Variants in TET1 observed in about 807,000 individuals in gnomAD.
TET1 encodes methylcytosine dioxygenase TET1.
In TET1, 13 loss-of-function variants were observed where a neutral mutation model predicts 148.7. The observed-to-expected ratio is 0.09, with a 90% CI of 0.06 to 0.14. The LOEUF is 0.14. Ranked by LOEUF, TET1 falls within the 10% of genes least tolerant of loss-of-function variation. The pLI, the probability that TET1 is intolerant of heterozygous loss-of-function variation, is 1.00. For missense variants in TET1, 2,182 were observed against 2,553.8 expected (o/e 0.85, Z 3.14); for synonymous variants, 907 against 937.2 (o/e 0.97, Z 0.59).
Position 68,691,951 on chromosome 10 carries a change from C to A in TET1, c.*137C>A, listed in dbSNP as rs573711022. ...TGAGGTAAAAAAATAATAATGATAA[C>A]AAAACGGGGTGGGTATTCTTAACTG... On this transcript the variant is annotated 3_prime_UTR_variant, in exon 12 of 12. Transcript: ENST00000373644. The surrounding 1 kb of genome is among the most constrained non-coding windows in gnomAD (Gnocchi z 4.4). The A allele has an allele frequency of 1.9e-6, 2 of 1,055,966 alleles. No homozygotes were observed. Among genetic ancestry groups the A allele is most frequent in the Non-Finnish European group, 2.7e-6 (2 of 744,210 alleles). 65.4% of individuals were successfully genotyped at this position (1,055,966 alleles called of 1,614,324 possible).
intron 11 of TET1, among the ~76,000 whole-genome samples, chr10:68,689,323 T>C (rs2055559358): frequency 1.3e-5 from 2 of 152,232 alleles, no homozygotes; most frequent in Non-Finnish European, 2.9e-5. Context: ...ATTTATTATA[T>C]TTTTAATTAC....
intron 1 of TET1, among the ~76,000 whole-genome samples, chr10:68,561,333 G>T (rs1034333508): frequency 1.3e-5 from 2 of 152,188 alleles, no homozygotes; most frequent in Non-Finnish European, 2.9e-5. Flanking sequence ...TGGGACGGCA[G>T]CTCCAGGGAT....
Position 68,593,915 on chromosome 10 carries a change from A to ATTTTTTTTTTTT in TET1, c.1915-7049_1915-7038dup, listed in dbSNP as rs3998851. On this transcript the variant is annotated intron_variant, in intron 2 of 11. Coordinates refer to ENST00000373644, the MANE Select transcript of TET1 (RefSeq NM_030625.3). ...AGGCGTGAGCCACTGCGCCTGAGCTATTTTTTTTTTTTTTTTTTTTTTTTT... is the reference window on the plus strand; with the variant it reads ...AGGCGTGAGCCACTGCGCCTGAGCTATTTTTTTTTTTTTTTTTTTTTTTTTTTTTTTTTTTTT... Among the ~76,000 whole-genome samples the ATTTTTTTTTTTT allele has an allele frequency of 2.0e-4, 9 of 44,750 alleles. 3 individuals are homozygous for ATTTTTTTTTTTT. Among genetic ancestry groups the ATTTTTTTTTTTT allele is most frequent in the Non-Finnish European group, 3.6e-4 (9 of 25,316 alleles). The allele number at this position is 44,750 out of a possible 152,430, so 29.4% of individuals were successfully genotyped here.
chr10:68,589,531 T>G (rs749759761), intron 2 of TET1, among the ~76,000 whole-genome samples: 1 of 151,960 alleles, frequency 6.6e-6, no homozygotes, highest in South Asian at 2.1e-4. Context: ...CTTGAACTCC[T>G]GGGCTCAAGT....
At chr10:68,621,700 T>G (rs1234024958) in intron 3 of TET1, among the ~76,000 whole-genome samples, 1 of 152,252 alleles carries the variant, frequency 6.6e-6, no homozygotes, top group Non-Finnish European at 1.5e-5. Context: ...ATTTTCAATT[T>G]TTTTCTGTAG....
chr10:68,593,915 ATTTTTTT>A (rs3998851), intron 2 of TET1, among the ~76,000 whole-genome samples: 1,048 of 44,676 alleles, frequency 0.023, 16 homozygotes, highest in African/African-American at 0.082. Context: ...CGCCTGAGCT[ATTTTTTT>A]TTTTTTTTTT....
chr10:68,663,829 C>T (rs1187342587), intron 6 of TET1, among the ~76,000 whole-genome samples: 1 of 152,144 alleles, frequency 6.6e-6, no homozygotes, highest in Non-Finnish European at 1.5e-5. Flanking sequence ...TTCCTATATG[C>T]ATGTGACATG....
chr10:68,658,317 T>G (rs2055055855), intron 6 of TET1, among the ~76,000 whole-genome samples: 1 of 152,094 alleles, frequency 6.6e-6, no homozygotes, highest in African/African-American at 2.4e-5. Flanking sequence ...ATTCAAGTGA[T>G]TTTCCTGCCT....
chr10:68,608,634 A>C (rs962080477), intron 3 of TET1, among the ~76,000 whole-genome samples: 3 of 152,208 alleles, frequency 2.0e-5, no homozygotes, highest in South Asian at 2.1e-4. Flanking sequence ...TCCGGGGTTC[A>C]AGTGATTCTC....
chr10:68,599,792 C>T (rs1837534112), intron 2 of TET1, among the ~76,000 whole-genome samples: 1 of 152,112 alleles, frequency 6.6e-6, no homozygotes, highest in Non-Finnish European at 1.5e-5. Flanking sequence ...AGATATGAGT[C>T]CGAATTTTCC....
chr10:68,664,461 T>G (rs1348473701), intron 6 of TET1, among the ~76,000 whole-genome samples: 1 of 151,288 alleles, frequency 6.6e-6, no homozygotes, highest in Non-Finnish European at 1.5e-5. Context: ...CATGCTGGAG[T>G]GCAGTGGCGA....
chr10:68,626,880 T>A (rs1241131452), intron 3 of TET1, among the ~76,000 whole-genome samples: 1 of 152,166 alleles, frequency 6.6e-6, no homozygotes, highest in East Asian at 1.9e-4. Flanking sequence ...TTATTTATTT[T>A]GAGATATTCT....
chr10:68,595,949 TATATATATATATACACAC>T lies in TET1; in HGVS notation c.1915-5030_1915-5013del, dbSNP rs1363435052. Among the ~76,000 whole-genome samples the T allele has an allele frequency of 9.1e-3, 275 of 30,136 alleles. 8 individuals carry two copies. Among genetic ancestry groups the T allele is most frequent in the South Asian group, 0.021 (12 of 576 alleles). 19.8% of individuals were successfully genotyped at this position (30,136 alleles called of 152,430 possible). ...ATATATATATATATATATATATATA[TATATATATATATACACAC>T]ACACACACACATATATACACACACA... On this transcript the variant is annotated intron_variant, in intron 2 of 11. Coordinates refer to ENST00000373644, the MANE Select transcript of TET1 (RefSeq NM_030625.3).
chr10:68,691,728 G>A lies in TET1; in HGVS notation c.6325G>A (p.Ala2109Thr). 1 of 1,614,100 alleles carries A rather than the reference G, an allele frequency of 6.2e-7. No individual in the cohort carries two copies. Among genetic ancestry groups the A allele is most frequent in the Non-Finnish European group, 8.5e-7 (1 of 1,180,044 alleles). Residue 2109 changes from alanine to threonine, a missense_variant, in exon 12 of 12, where the codon GCA becomes ACA. By Grantham distance (58) the Ala-to-Thr change is moderately conservative (BLOSUM62 0). Transcript: ENST00000373644. The surrounding 1 kb of genome is among the most constrained non-coding windows in gnomAD (Gnocchi z 4.4). Reference protein sequence around the residue: ...NELNQIPSHKALTLTHDNVVT... With the variant: ...NELNQIPSHKTLTLTHDNVVT... ...ATTGAACCAAATTCCTTCTCATAAA[G>A]CATTAACATTAACCCATGACAATGT...
At chr10:68,615,356 C>CTTTTTTTT (rs71019038) in intron 3 of TET1, among the ~76,000 whole-genome samples, 13 of 145,344 alleles carry the variant, frequency 8.9e-5, no homozygotes, top group South Asian at 2.2e-4. Flanking sequence ...CTTTTCTTTT[C>CTTTTTTTT]TTTTTTTGAG....
chr10:68,673,942 T>TTTTTTTC (rs1282598797), intron 8 of TET1, among the ~76,000 whole-genome samples: 2 of 142,944 alleles, frequency 1.4e-5, no homozygotes, highest in Non-Finnish European at 3.0e-5. Context: ...TTTCTTTTTT[T>TTTTTTTC]TTTTTCTTTT....
rs934184864 is a variant in TET1 at position 68,626,317 on chromosome 10, A to G, written c.1969-18381A>G. Among the ~76,000 whole-genome samples, 5 of 150,106 alleles carry G rather than the reference A, an allele frequency of 3.3e-5. No homozygotes were observed. The Admixed American group carries it at 3.3e-4, about 10-fold the overall frequency. On this transcript the variant is annotated intron_variant, in intron 3 of 11. Transcript: ENST00000373644. Reference sequence around the variant, plus strand: ...GGTCTCATTCTGTTTCCCAGGCTGGAGTAAGGTGGCATGAGCAGCTGGGAC... The same window carrying G: ...GGTCTCATTCTGTTTCCCAGGCTGGGGTAAGGTGGCATGAGCAGCTGGGAC...
chr10:68,622,807 T>C (rs1194844394), intron 3 of TET1, among the ~76,000 whole-genome samples: 1 of 152,034 alleles, frequency 6.6e-6, no homozygotes, highest in Non-Finnish European at 1.5e-5. Context: ...TCAAACTCTT[T>C]CCCTCAAAGG....
intron 8 of TET1, among the ~76,000 whole-genome samples, chr10:68,678,969 A>C (rs2055400413): frequency 6.6e-6 from 1 of 152,106 alleles, no homozygotes; most frequent in Admixed American, 6.5e-5. Flanking sequence ...TGAGGTCAGG[A>C]GTTCAAGACC....
Sources: allele counts gnomAD v4.1 joint callset (sites outside exome capture counted in the v4.1 genomes callset), GRCh38; gene constraint gnomAD v4.1.1; non-coding constraint Gnocchi (gnomAD v3.1); transcripts MANE v1.5; gene names NCBI Gene and HGNC (gene_info 2026-07-23, HGNC 2026-07-21).